NHERF4: variants seen among roughly 807,000 people sequenced by gnomAD.
The protein encoded by NHERF4 is Na(+)/H(+) exchange regulatory cofactor NHE-RF4.
the NHERF4 span, chr11:119,185,842 C>T: frequency 1.4e-5 from 22 of 1,593,172 alleles, no homozygotes; most frequent in Non-Finnish European, 1.8e-5. Flanking sequence ...TCCCTGAGTC[C>T]TTTTAGTTTA....
chr11:119,188,898 T>A, the NHERF4 span: 1 of 1,611,538 alleles, frequency 6.2e-7, no homozygotes, highest in Admixed American at 1.7e-5. Context: ...CTTGAATCCC[T>A]TCGATCCTTT....
the NHERF4 span, chr11:119,188,202 C>T: frequency 1.2e-5 from 18 of 1,514,174 alleles, no homozygotes; most frequent in South Asian, 6.4e-5. Flanking sequence ...GGCACACAAG[C>T]GTATATACAC....
chr11:119,189,376 T>G, the NHERF4 span: 9 of 1,552,090 alleles, frequency 5.8e-6, no homozygotes, highest in Non-Finnish European at 8.0e-6. The surrounding 1 kb of genome is among the most constrained non-coding windows in gnomAD (Gnocchi z 5.8). Flanking sequence ...ACCCCATTTC[T>G]GGGCATTCCA....
chr11:119,187,957 G>A, the NHERF4 span: 2 of 1,571,060 alleles, frequency 1.3e-6, no homozygotes, highest in Non-Finnish European at 1.7e-6. Flanking sequence ...AGAGTGGACA[G>A]CAGGTGACCT....
the NHERF4 span, chr11:119,188,653 C>T: frequency 5.6e-6 from 9 of 1,614,032 alleles, no homozygotes; most frequent in Admixed American, 1.7e-5. Flanking sequence ...CGCCTGTCCC[C>T]ACTCCTCTTC....
At chr11:119,189,071 G>C in the NHERF4 span, 2 of 1,614,118 alleles carry the variant, frequency 1.2e-6, no homozygotes, top group Non-Finnish European at 1.7e-6. This position sits in a 1 kb window ranked among gnomAD's most constrained non-coding sequence, Gnocchi z 5.8. Context: ...GGAAGTGAAC[G>C]GGTATCCTGT....
At chr11:119,187,623 G>GT in the NHERF4 span, 1 of 1,577,362 alleles carries the variant, frequency 6.3e-7, no homozygotes, top group East Asian at 2.3e-5. Context: ...GCGGGCAGGG[G>GT]TGCCCCCCGG....
the NHERF4 span, chr11:119,185,724 G>C: frequency 2.5e-6 from 2 of 808,016 alleles, no homozygotes; most frequent in South Asian, 1.5e-5. Flanking sequence ...CAAGGACTTG[G>C]GGGGAGAGAA....
chr11:119,189,331 C>G, the NHERF4 span: 1 of 1,475,326 alleles, frequency 6.8e-7, no homozygotes, highest in Non-Finnish European at 9.4e-7. The surrounding 1 kb of genome is among the most constrained non-coding windows in gnomAD (Gnocchi z 5.8). Flanking sequence ...GACTTCAGGT[C>G]GTGGTAGGTG....
At chr11:119,189,028 C>T in the NHERF4 span, 5 of 1,613,966 alleles carry the variant, frequency 3.1e-6, no homozygotes. This position sits in a 1 kb window ranked among gnomAD's most constrained non-coding sequence, Gnocchi z 5.8. Flanking sequence ...GCTCAGCTGC[C>T]CGGGCTGGGC....
the NHERF4 span, chr11:119,187,152 A>G: frequency 1.3e-5 from 11 of 867,654 alleles, no homozygotes; most frequent in East Asian, 1.7e-4. Context: ...AAAAAAAAAA[A>G]AAAAAAGAAA....
the NHERF4 span, among the ~76,000 whole-genome samples, chr11:119,187,094 C>T: frequency 3.4e-5 from 5 of 148,320 alleles, no homozygotes; most frequent in African/African-American, 1.0e-4. Context: ...GAGCTGAGAT[C>T]GCACCATTGC....
chr11:119,185,804 G>T, the NHERF4 span: 1 of 1,330,094 alleles, frequency 7.5e-7, no homozygotes. Flanking sequence ...GAGCAGAAAG[G>T]AGGGGGCATG....
the NHERF4 span, chr11:119,186,170 C>T: frequency 1.8e-5 from 29 of 1,614,180 alleles, no homozygotes; most frequent in Non-Finnish European, 2.5e-5. This position sits in a 1 kb window ranked among gnomAD's most constrained non-coding sequence, Gnocchi z 4.4. Flanking sequence ...CCTATGGTAA[C>T]TCCCTCACCC....
the NHERF4 span, chr11:119,185,809 G>C: frequency 7.3e-7 from 1 of 1,371,074 alleles, no homozygotes; most frequent in Admixed American, 1.7e-5. Flanking sequence ...GAAAGGAGGG[G>C]GCATGCCCTG....
At chr11:119,188,277 C>T in the NHERF4 span, 1 of 1,589,598 alleles carries the variant, frequency 6.3e-7, no homozygotes, top group Non-Finnish European at 8.6e-7. Context: ...TTCCCGTTCA[C>T]TCTGGGGTCA....
At chr11:119,187,960 G>T in the NHERF4 span, 1 of 1,572,458 alleles carries the variant, frequency 6.4e-7, no homozygotes, top group Admixed American at 1.9e-5. Flanking sequence ...GTGGACAGCA[G>T]GTGACCTTGC....
At chr11:119,186,912 G>A in the NHERF4 span, among the ~76,000 whole-genome samples, 4 of 152,188 alleles carry the variant, frequency 2.6e-5, no homozygotes, top group Non-Finnish European at 5.9e-5. The surrounding 1 kb of genome is among the most constrained non-coding windows in gnomAD (Gnocchi z 4.4). Context: ...GCCAAGGCAG[G>A]TGGATCACCC....
the NHERF4 span, chr11:119,187,484 C>T: frequency 1.2e-5 from 20 of 1,612,016 alleles, no homozygotes; most frequent in African/African-American, 1.1e-4. Context: ...TGCGAGGGGG[C>T]GGCAAGGATG....
Sources: allele counts gnomAD v4.1 joint callset (sites outside exome capture counted in the v4.1 genomes callset), GRCh38; gene constraint gnomAD v4.1.1; non-coding constraint Gnocchi (gnomAD v3.1); transcripts MANE v1.5; gene names NCBI Gene and HGNC (gene_info 2026-07-23, HGNC 2026-07-21).